Variants in PLCE1 observed in about 807,000 individuals in gnomAD.
PLCE1 encodes the protein 1-phosphatidylinositol 4,5-bisphosphate phosphodiesterase epsilon-1.
Under a neutral mutation model 242.8 loss-of-function variants are expected in PLCE1, and 119 were observed. The ratio of observed to expected loss-of-function variants is 0.49; its 90% CI spans 0.42 to 0.57. PLCE1 has a LOEUF of 0.57. Among genes scored for constraint, PLCE1 ranks in the 20% least tolerant of loss-of-function variants. The pLI, the probability that PLCE1 is intolerant of heterozygous loss-of-function variation, is 0.00. For synonymous variants in PLCE1, 945 were observed against 1,017.4 expected (o/e 0.93, Z 1.35); for missense variants, 2,441 against 2,788.8 (o/e 0.88, Z 2.81).
chr10:94,199,505 T>G (rs549895850), intron 4 of PLCE1, among the ~76,000 whole-genome samples: 1 of 152,324 alleles, frequency 6.6e-6, no homozygotes, highest in East Asian at 1.9e-4. Flanking sequence ...AAGTAAGAAA[T>G]GCTGCCACTT....
intron 30 of PLCE1, 108 bp from the exon 31 acceptor site, chr10:94,324,241 C>G: frequency 8.4e-5 from 70 of 837,326 alleles, no homozygotes; most frequent in Non-Finnish European, 1.3e-4. Flanking sequence ...GGAAGATCCC[C>G]TTCATCTCTA....
chr10:94,085,135 T>C (rs562304183), intron 2 of PLCE1, among the ~76,000 whole-genome samples: 1 of 152,334 alleles, frequency 6.6e-6, no homozygotes, highest in Non-Finnish European at 1.5e-5. Flanking sequence ...TATTTTCTCA[T>C]TCAACAATCT....
chr10:94,230,639 C>G (rs984995253), intron 5 of PLCE1, among the ~76,000 whole-genome samples: 4 of 151,324 alleles, frequency 2.6e-5, no homozygotes, highest in African/African-American at 9.7e-5. Context: ...GAGATAAGAT[C>G]TCACTCTGTC....
chr10:94,038,853 C>T (rs529354199), intron 2 of PLCE1, among the ~76,000 whole-genome samples: 2 of 152,008 alleles, frequency 1.3e-5, no homozygotes, highest in African/African-American at 2.4e-5. Flanking sequence ...AAAAAGCAAC[C>T]CTGTTTCTTT....
intron 2 of PLCE1, chr10:94,089,281 G>C (rs2044967141): frequency 6.2e-7 from 1 of 1,613,946 alleles, no homozygotes; most frequent in Admixed American, 1.7e-5. Flanking sequence ...GCTCTCAGCT[G>C]TCTTGAAGGT....
intron 5 of PLCE1, among the ~76,000 whole-genome samples, chr10:94,233,817 G>A (rs546037027): frequency 7.3e-4 from 111 of 152,002 alleles, no homozygotes; most frequent in African/African-American, 2.5e-3. Flanking sequence ...GCATAGTGGC[G>A]CGCGCCTATA....
chr10:94,047,115 T>C (rs1358202527), intron 2 of PLCE1, among the ~76,000 whole-genome samples: 2 of 152,214 alleles, frequency 1.3e-5, no homozygotes, highest in Admixed American at 6.5e-5. Flanking sequence ...CCCACTACCA[T>C]TGGACCAACC....
intron 30 of PLCE1, among the ~76,000 whole-genome samples, chr10:94,322,871 G>A (rs1004177644): frequency 2.6e-5 from 4 of 152,150 alleles, no homozygotes; most frequent in East Asian, 1.9e-4. Context: ...TAGGAGGATC[G>A]CTTGAGCCTG....
At chr10:94,158,826 T>C (rs2047512586) in intron 3 of PLCE1, among the ~76,000 whole-genome samples, 1 of 151,128 alleles carries the variant, frequency 6.6e-6, no homozygotes, top group Non-Finnish European at 1.5e-5. Flanking sequence ...GGTATGAGAT[T>C]ATTATTTTAA....
intron 1 of PLCE1, among the ~76,000 whole-genome samples, chr10:94,000,173 C>A (rs899002651): frequency 2.0e-5 from 3 of 152,310 alleles, no homozygotes; most frequent in South Asian, 4.1e-4. Flanking sequence ...GAAAGAGGGG[C>A]TCTATTGTTA....
chr10:94,015,807 C>T (rs986600895), intron 1 of PLCE1, among the ~76,000 whole-genome samples: 1 of 152,072 alleles, frequency 6.6e-6, no homozygotes. Context: ...TTGATCAGAC[C>T]AGCCTCAAAC....
chr10:94,318,473 A>G (rs2053653794), intron 29 of PLCE1, among the ~76,000 whole-genome samples: 1 of 152,214 alleles, frequency 6.6e-6, no homozygotes, highest in South Asian at 2.1e-4. Context: ...GATATAATGG[A>G]AACCATTTTA....
chr10:94,308,845 T>G, intron 27 of PLCE1, 146 bp downstream of exon 27: 2 of 750,670 alleles, frequency 2.7e-6, no homozygotes, highest in South Asian at 2.8e-5. Context: ...CACTTGGCAC[T>G]GACTAAGCAC....
intron 16 of PLCE1, among the ~76,000 whole-genome samples, chr10:94,267,934 C>A (rs1397178194): frequency 6.6e-6 from 1 of 152,212 alleles, no homozygotes; most frequent in Non-Finnish European, 1.5e-5. Flanking sequence ...ACTCTAGTGG[C>A]CACTAAGCCC....
chr10:94,195,426 T>A (rs2048789746), intron 4 of PLCE1, among the ~76,000 whole-genome samples: 1 of 152,104 alleles, frequency 6.6e-6, no homozygotes, highest in Non-Finnish European at 1.5e-5. Context: ...GAAGTCCCTG[T>A]GTAAAGAGAC....
chr10:94,096,225 C>G (rs2045303765), intron 2 of PLCE1, among the ~76,000 whole-genome samples: 2 of 152,194 alleles, frequency 1.3e-5, no homozygotes, highest in African/African-American at 4.8e-5. Flanking sequence ...CACTTGCTAA[C>G]ACACTCAAGA....
intron 4 of PLCE1, among the ~76,000 whole-genome samples, chr10:94,195,788 T>G (rs1043942016): frequency 1.3e-5 from 2 of 152,224 alleles, no homozygotes; most frequent in Non-Finnish European, 2.9e-5. Context: ...CTTTGATATC[T>G]GTACTATACA....
At chr10:94,175,866 C>T (rs1447406179) in intron 4 of PLCE1, among the ~76,000 whole-genome samples, 1 of 150,544 alleles carries the variant, frequency 6.6e-6, no homozygotes, top group African/African-American at 2.5e-5. Context: ...ACATAATGAC[C>T]TTCAATTCAA....
chr10:94,199,849 TCC>T (rs142699338), intron 4 of PLCE1, among the ~76,000 whole-genome samples: 21,377 of 152,128 alleles, frequency 0.14, 1,673 homozygotes, highest in South Asian at 0.29. Flanking sequence ...CCAGGCAGTG[TCC>T]CCAGGGTAAG....
Sources: gnomAD v4.1 joint callset for allele counts (sites outside exome capture counted in the v4.1 genomes callset) on GRCh38, gnomAD v4.1.1 for gene constraint, MANE v1.5 for transcripts, NCBI Gene and HGNC (gene_info 2026-07-23, HGNC 2026-07-21) for gene names.